SVEP1: variants seen among roughly 807,000 people sequenced by gnomAD.
The protein encoded by SVEP1 is sushi, von Willebrand factor type A, EGF and pentraxin domain-containing protein 1.
A neutral mutation model predicts 367.3 loss-of-function variants in SVEP1; 164 were observed. That is an observed-to-expected ratio of 0.45 (90% CI 0.39 to 0.51). The LOEUF (loss-of-function observed/expected upper bound fraction) is 0.51, where lower values mean the gene tolerates loss of function less well. SVEP1 is among the 20% of genes least tolerant of loss of function. SVEP1 has a pLI of 0.00. For synonymous variants in SVEP1, 1,666 were observed against 1,611.6 expected, an observed-to-expected ratio of 1.03 and a Z score of -0.81; for missense variants, 4,117 against 4,425.3, an observed-to-expected ratio of 0.93 and a Z score of 1.98.
chr9:110,492,017 A>C, intron 8 of SVEP1, among the ~76,000 whole-genome samples: 1 of 152,314 alleles, frequency 6.6e-6, no homozygotes, highest in East Asian at 1.9e-4. Flanking sequence ...ATCTAAAAAA[A>C]GATAATAATC....
chr9:110,380,046 T>A (rs1011167624), intron 43 of SVEP1, among the ~76,000 whole-genome samples: 15 of 152,202 alleles, frequency 9.9e-5, no homozygotes, highest in Admixed American at 8.5e-4. Context: ...GAATACAACT[T>A]GATGAGGTTT....
intron 40 of SVEP1, among the ~76,000 whole-genome samples, chr9:110,395,937 A>G (rs1280665446): frequency 6.6e-6 from 1 of 150,916 alleles, no homozygotes; most frequent in Non-Finnish European, 1.5e-5. Flanking sequence ...AACATTAGAC[A>G]GATCAACGAG....
At chr9:110,574,809 G>C (rs1830606545) in intron 1 of SVEP1, among the ~76,000 whole-genome samples, 1 of 138,988 alleles carries the variant, frequency 7.2e-6, no homozygotes, top group African/African-American at 2.7e-5. Context: ...GCAGTGGTGT[G>C]GCCTCGGCTC....
rs10980419 is a variant in SVEP1 at position 110,512,947 on chromosome 9, C to T, written c.1282G>A (p.Gly428Ser). 50,490 of 1,613,868 alleles carry T rather than the reference C, an allele frequency of 0.031. 1,181 individuals carry two copies. The highest frequency in any genetic ancestry group is 0.13 in the East Asian group (5,729 of 44,866). ...ATACCTCTGCAGTAGCTCTCTGAAC[C>T]GGACCACAAACCATTGGGTAGACAT... ...ILCLPNGLWS[G>S]SESYCRVRTC... is the part of the protein sequence containing the mutation. Residue 428 changes from glycine (G) to serine (S), a missense_variant, in exon 5 of 48, where the codon GGT (glycine) becomes AGT (serine). By Grantham distance (56) the Gly-to-Ser change is moderately conservative. Around this residue, in one of 4 missense-constraint regions of SVEP1, gnomAD observed 2,174 missense variants for 2,494.3 expected, o/e 0.87. Transcript: ENST00000374469.
chr9:110,430,032 C>G (rs1828325853), intron 33 of SVEP1, 28 bp from the exon 34 acceptor site: 1 of 1,603,760 alleles, frequency 6.2e-7, no homozygotes, highest in South Asian at 1.1e-5. Flanking sequence ...AAACACGTGA[C>G]TTTTTTGAGA....
In SVEP1 at chr9:110,411,303, G is replaced by C. The variant is rs377166440; in HGVS notation, c.6408C>G (p.Pro2136=). ...CMRGGQWNPS[P]MSIQCIPVRC... The stretch of plus-strand genomic sequence containing the variant: ...GCACAGGGATGCACTGGATGGACAT[G>C]GGGGAAGGGTTCCACTGCCCACCTC... Residue 2136 remains proline (P), a synonymous_variant, in exon 37 of 48, where the codon CCC becomes CCG. Transcript: ENST00000374469. The C allele has an allele frequency of 1.7e-4, 281 of 1,613,890 alleles. 1 individual carries two copies. The highest frequency in any genetic ancestry group is 2.1e-4 in the Non-Finnish European group (252 of 1,179,908).
At chr9:110,373,375 C>T (rs12002723) in intron 46 of SVEP1, among the ~76,000 whole-genome samples, 39 of 152,256 alleles carry the variant, frequency 2.6e-4, no homozygotes, top group African/African-American at 9.4e-4. Context: ...TGTAACAGTA[C>T]TTTTCAGTCT....
At chr9:110,423,168 T>TAAAAAAAAAAAAAAGAAAA (rs1828195001) in intron 36 of SVEP1, among the ~76,000 whole-genome samples, 1 of 103,650 alleles carries the variant, frequency 9.6e-6, no homozygotes, top group Non-Finnish European at 2.0e-5. Context: ...AAAAATAAAG[T>TAAAAAAAAAAAAAAGAAAA]AAAAAAAAAA....
intron 1 of SVEP1, among the ~76,000 whole-genome samples, chr9:110,575,210 A>T (rs77300394): frequency 0.19 from 28,864 of 152,110 alleles, 2,805 homozygotes; most frequent in East Asian, 0.28. Flanking sequence ...GGAACCTTGT[A>T]GGCAATTCCT....
chr9:110,396,821 T>A (rs1827770430), intron 40 of SVEP1, among the ~76,000 whole-genome samples: 2 of 152,194 alleles, frequency 1.3e-5, no homozygotes, highest in Admixed American at 6.5e-5. Flanking sequence ...AATAGACCAA[T>A]AACAGGCTCT....
In SVEP1 at chr9:110,400,963, G is replaced by A; in HGVS notation, c.9713C>T (p.Pro3238Leu). Reference protein sequence around the residue: ...EPPFSDESCSPVSCGKPESPE... With the variant: ...EPPFSDESCSLVSCGKPESPE... ...ACTTTCAGGTTTCCCACAAGAAACT[G>A]GACTGCAAGATTCATCGGAGAATGG... Residue 3238 changes from proline (P) to leucine (L), a missense_variant, in exon 40 of 48, where the codon CCA becomes CTA. Coordinates refer to ENST00000374469, the MANE Select transcript of SVEP1 (RefSeq NM_153366.4). 1.9e-6 allele frequency: 3 copies of A among 1,613,894 alleles called. No homozygotes were observed. The highest frequency in any genetic ancestry group is 2.2e-5 in the South Asian group (2 of 91,072).
intron 40 of SVEP1, among the ~76,000 whole-genome samples, chr9:110,392,149 A>G (rs1827666786): frequency 6.7e-6 from 1 of 148,258 alleles, no homozygotes; most frequent in African/African-American, 2.5e-5. Context: ...ATATATATAT[A>G]TATATCTCTT....
chr9:110,515,124 CT>C (rs1399412517), intron 3 of SVEP1, among the ~76,000 whole-genome samples: 2 of 152,190 alleles, frequency 1.3e-5, no homozygotes, highest in African/African-American at 4.8e-5. Flanking sequence ...CTTAATCCCT[CT>C]GGAGTTATGC....
intron 37 of SVEP1, among the ~76,000 whole-genome samples, chr9:110,410,473 G>C (rs1828028479): frequency 6.6e-6 from 1 of 152,038 alleles, no homozygotes; most frequent in African/African-American, 2.4e-5. Flanking sequence ...TATTTCTCTA[G>C]GTTCCATTTA....
At chr9:110,453,215 AATG>A (rs1265061155) in intron 22 of SVEP1, among the ~76,000 whole-genome samples, 1 of 152,126 alleles carries the variant, frequency 6.6e-6, no homozygotes, top group Non-Finnish European at 1.5e-5. Context: ...TTAGTATAAT[AATG>A]ATGAGTTAGG....
rs761215073 is a variant in SVEP1, at chr9:110,489,690, G to A, written c.1890C>T (p.Ser630=). The change falls in exon 9 of 48, where the codon TCC becomes TCT. Residue 630 remains serine, a synonymous_variant. Coordinates refer to ENST00000374469, the MANE Select transcript of SVEP1 (RefSeq NM_153366.4). ...VAIVYTATDL[S]GNQASCIFHI... is the part of the protein sequence containing the mutation. ...GGAAAATGCAGCTGGCCTGGTTGCC[G>A]GATAGGTCAGTTGCCGTGTATACGA... The A allele has an allele frequency of 3.5e-5, 56 of 1,613,208 alleles. 1 individual carries two copies. In the East Asian group the frequency reaches 3.8e-4, roughly 11 times the overall value.
chr9:110,488,674 A>G lies in SVEP1; in HGVS notation c.1930+976T>C, dbSNP rs150441803. Among the ~76,000 whole-genome samples, 5 of 151,928 alleles carry G rather than the reference A, an allele frequency of 3.3e-5. No individual in the cohort carries two copies. The East Asian group carries it at 9.7e-4, about 30-fold the overall frequency. Reference sequence around the variant, plus strand: ...GCCAGGAGTTTGAGATCAGTCTGGGAACACAGTGAGACCTTGTCTCTACAA... The same window carrying G: ...GCCAGGAGTTTGAGATCAGTCTGGGGACACAGTGAGACCTTGTCTCTACAA... On this transcript the variant is annotated intron_variant, in intron 9 of 47. Transcript: ENST00000374469.
chr9:110,491,590 G>GGTGTGTGTGT lies in SVEP1; in HGVS notation c.1801-1821_1801-1812dup, dbSNP rs55905097. Among the ~76,000 whole-genome samples the GGTGTGTGTGT allele has an allele frequency of 7.2e-3, 1,057 of 147,808 alleles. 13 individuals are homozygous for GGTGTGTGTGT. Among genetic ancestry groups the GGTGTGTGTGT allele is most frequent in the African/African-American group, 0.019 (774 of 40,026 alleles). On this transcript the variant is annotated intron_variant, in intron 8 of 47. Transcript: ENST00000374469. Reference sequence around the variant, plus strand: ...TAGCATTACATATTTTATAGAATGGGGTGTGTGTGTGTGTGTGTGTGTGTG... The same window carrying GGTGTGTGTGT: ...TAGCATTACATATTTTATAGAATGGGGTGTGTGTGTGTGTGTGTGTGTGTGTGTGTGTGTG...
At position 110,499,244 on chromosome 9, in the gene SVEP1, G is replaced by T. The variant is rs761791477; in HGVS notation, c.1484-6C>A. 6.2e-7 allele frequency: 1 copy of T among 1,605,954 alleles called. No homozygotes were observed. Among genetic ancestry groups the T allele is most frequent in the Admixed American group, 1.7e-5 (1 of 58,920 alleles). ...AAAGGTGGAACAGTGGCGCTCTACG[G>T]TAGGGAAACAGAGAGAATGTTATTT... On this transcript the variant is annotated splice_polypyrimidine_tract_variant and splice_region_variant and intron_variant, in intron 6 of 47. Coordinates refer to ENST00000374469, the MANE Select transcript of SVEP1 (RefSeq NM_153366.4).
Sources: gnomAD v4.1 joint callset for allele counts (sites outside exome capture counted in the v4.1 genomes callset) on GRCh38, gnomAD v4.1.1 for gene constraint, gnomAD v4.1.1 regional missense constraint, MANE v1.5 for transcripts, NCBI Gene and HGNC (gene_info 2026-07-23, HGNC 2026-07-21) for gene names.